Variants in CSMD1 observed in about 807,000 individuals in gnomAD.
The protein encoded by CSMD1 is CUB and Sushi multiple domains 1.
A neutral mutation model predicts 417.5 loss-of-function variants in CSMD1; 213 were observed. The observed-to-expected ratio is 0.51, with a 90% CI of 0.46 to 0.57. The LOEUF is 0.57. CSMD1 is among the 20% of genes least tolerant of loss of function. The pLI, the probability that CSMD1 is intolerant of heterozygous loss-of-function variation, is 0.00. For synonymous variants in CSMD1, 2,862 were observed against 1,736.8 expected, an observed-to-expected ratio of 1.65 and a Z score of -16.11; for missense variants, 6,923 against 4,529.7, an observed-to-expected ratio of 1.53 and a Z score of -15.17.
chr8:3,887,764 T>G (rs903698352), intron 5 of CSMD1, among the ~76,000 whole-genome samples: 1 of 152,200 alleles, frequency 6.6e-6, no homozygotes, highest in African/African-American at 2.4e-5. Context: ...AATATCTCCC[T>G]AAATGAACTG....
At chr8:2,965,669 C>G in intron 59 of CSMD1, 106 bp downstream of exon 59, 2 of 881,490 alleles carry the variant, frequency 2.3e-6, no homozygotes, top group Non-Finnish European at 3.4e-6. Flanking sequence ...TTCAAGAATT[C>G]CTAGCCCCTA....
intron 6 of CSMD1, among the ~76,000 whole-genome samples, chr8:3,726,818 T>C (rs1005483182): frequency 3.3e-5 from 5 of 152,214 alleles, no homozygotes; most frequent in Non-Finnish European, 7.3e-5. Context: ...TCTAATGTTT[T>C]AATAATCAGT....
chr8:4,030,576 C>G lies in CSMD1; in HGVS notation c.610+1329G>C, dbSNP rs1335318949. ...CCCGGCCCTCAAAACTACTTTTATT[C>G]TCCTAGACCTCCAGGCCTGTGATGG... On this transcript the variant is annotated intron_variant, in intron 4 of 69. Transcript: ENST00000635120. Among the ~76,000 whole-genome samples the G allele has an allele frequency of 2.0e-5, 3 of 152,258 alleles. No individual in the cohort carries two copies. The East Asian group carries it at 5.8e-4, about 30-fold the overall frequency.
At chr8:3,161,548 C>T (rs746546879) in intron 38 of CSMD1, among the ~76,000 whole-genome samples, 20 of 141,430 alleles carry the variant, frequency 1.4e-4, no homozygotes, top group East Asian at 4.6e-4. Flanking sequence ...ATCTGGGAGG[C>T]GGAGCTTGCA....
At position 3,696,974 on chromosome 8, in the gene CSMD1, G is replaced by C. The variant is rs868745851; in HGVS notation, c.1009+11440C>G. On this transcript the variant is annotated intron_variant, in intron 7 of 69. Transcript: ENST00000635120. Reference sequence around the variant, plus strand: ...GTGGACTATAGAGTTTGGGACTGTAGATCGTAGGGGCCCCAGGATCCAGTA... The same window carrying C: ...GTGGACTATAGAGTTTGGGACTGTACATCGTAGGGGCCCCAGGATCCAGTA... Among the ~76,000 whole-genome samples, 9 of 152,272 alleles carry C rather than the reference G, an allele frequency of 5.9e-5. No homozygotes were observed. The Middle Eastern group carries it at 0.017, about 288-fold the overall frequency.
chr8:4,115,259 T>C (rs1230849842), intron 3 of CSMD1, among the ~76,000 whole-genome samples: 1 of 152,228 alleles, frequency 6.6e-6, no homozygotes, highest in Non-Finnish European at 1.5e-5. Flanking sequence ...AAAAAGATTA[T>C]GACTCACTGA....
chr8:4,299,312 G>A (rs984888362), intron 3 of CSMD1, among the ~76,000 whole-genome samples: 11 of 152,064 alleles, frequency 7.2e-5, no homozygotes, highest in East Asian at 1.9e-4. Context: ...CCCAGAGAAC[G>A]CACTTTTTAA....
intron 1 of CSMD1, among the ~76,000 whole-genome samples, chr8:4,820,837 A>T (rs1439747913): frequency 1.3e-5 from 2 of 152,214 alleles, no homozygotes; most frequent in African/African-American, 4.8e-5. Flanking sequence ...GTTGCAAGCT[A>T]AATACTAATG....
intron 3 of CSMD1, among the ~76,000 whole-genome samples, chr8:4,061,495 A>C (rs1422603407): frequency 1.3e-5 from 2 of 152,234 alleles, no homozygotes; most frequent in East Asian, 3.8e-4. Flanking sequence ...GTTTAAATAA[A>C]AACTGTAAAG....
chr8:4,514,546 C>T (rs537742780), intron 2 of CSMD1, among the ~76,000 whole-genome samples: 5 of 152,304 alleles, frequency 3.3e-5, no homozygotes, highest in South Asian at 2.1e-4. Context: ...AAACAACTGA[C>T]GCTAATTCCA....
At chr8:3,455,143 G>C (rs534184644) in intron 12 of CSMD1, among the ~76,000 whole-genome samples, 1 of 152,092 alleles carries the variant, frequency 6.6e-6, no homozygotes, top group Non-Finnish European at 1.5e-5. Flanking sequence ...TAGTTCTCCT[G>C]CCATGGTTTT....
chr8:3,882,726 A>G (rs1385720162), intron 5 of CSMD1, among the ~76,000 whole-genome samples: 1 of 152,228 alleles, frequency 6.6e-6, no homozygotes, highest in Admixed American at 6.5e-5. Flanking sequence ...GTGCACAACA[A>G]TGTAGGTGAA....
At chr8:3,449,818 G>A (rs112009482) in intron 12 of CSMD1, among the ~76,000 whole-genome samples, 69 of 152,206 alleles carry the variant, frequency 4.5e-4, no homozygotes, top group Non-Finnish European at 7.8e-4. Context: ...GCACCTAGCC[G>A]AGAGCAACAT....
At chr8:4,165,749 T>C (rs1797420966) in intron 3 of CSMD1, among the ~76,000 whole-genome samples, 1 of 152,160 alleles carries the variant, frequency 6.6e-6, no homozygotes, top group African/African-American at 2.4e-5. Context: ...ATCTCATCAT[T>C]TCTTCCTGGT....
chr8:3,209,030 C>T lies in CSMD1; in HGVS notation c.4868-3410G>A, dbSNP rs570883907. On this transcript the variant is annotated intron_variant, in intron 30 of 69. Coordinates refer to ENST00000635120, the MANE Select transcript of CSMD1 (RefSeq NM_033225.6). ...TAATACATGTTTCAAAGTATAACTA[C>T]AAAGAAACACTTTGTGCAAGCATAG... Among the ~76,000 whole-genome samples the T allele has an allele frequency of 2.0e-5, 3 of 152,252 alleles. No homozygotes were observed. The South Asian group carries it at 6.2e-4, about 32-fold the overall frequency.
At chr8:4,355,506 A>T (rs1461861993) in intron 3 of CSMD1, among the ~76,000 whole-genome samples, 2 of 152,334 alleles carry the variant, frequency 1.3e-5, no homozygotes, top group Middle Eastern at 6.8e-3. Flanking sequence ...GAAAGGGAAC[A>T]TTCAGTAGTT....
At chr8:4,459,923 T>C (rs917572370) in intron 2 of CSMD1, among the ~76,000 whole-genome samples, 5 of 152,070 alleles carry the variant, frequency 3.3e-5, no homozygotes, top group African/African-American at 9.7e-5. Flanking sequence ...AATCAAACAA[T>C]AATGACTGTT....
chr8:3,781,663 G>T (rs1041976689), intron 5 of CSMD1, among the ~76,000 whole-genome samples: 2 of 152,172 alleles, frequency 1.3e-5, no homozygotes, highest in African/African-American at 4.8e-5. Flanking sequence ...GTGAATGGCA[G>T]GTGCCTAGGT....
intron 42 of CSMD1, among the ~76,000 whole-genome samples, chr8:3,115,205 C>G (rs3053039): frequency 0.02 from 2,091 of 104,622 alleles, 49 homozygotes; most frequent in African/African-American, 0.075. Flanking sequence ...CCCCCCCCCC[C>G]CTTTTTTTTT....
Sources: allele counts gnomAD v4.1 joint callset (sites outside exome capture counted in the v4.1 genomes callset), GRCh38; gene constraint gnomAD v4.1.1; transcripts MANE v1.5; gene names NCBI Gene and HGNC (gene_info 2026-07-23, HGNC 2026-07-21).